Variants in RBFOX1 observed in about 807,000 individuals in gnomAD.
RBFOX1 encodes the protein RNA binding protein fox-1 homolog 1.
In RBFOX1, 8 loss-of-function variants were observed where a neutral mutation model predicts 57.7. The observed-to-expected ratio is 0.14, with a 90% CI of 0.08 to 0.25. The LOEUF (loss-of-function observed/expected upper bound fraction) is 0.25. RBFOX1 is among the 10% of genes least tolerant of loss of function. The pLI is 1.00. For synonymous variants in RBFOX1, 326 were observed against 222.4 expected (o/e 1.47, Z -4.15); for missense variants, 611 against 548.5 (o/e 1.11, Z -1.14).
intron 1 of RBFOX1, among the ~76,000 whole-genome samples, chr16:6,273,875 G>A (rs1432468939): frequency 6.6e-6 from 1 of 152,042 alleles, no homozygotes; most frequent in Non-Finnish European, 1.5e-5. Flanking sequence ...AAATCAAGCA[G>A]TGAGCAAAGG....
intron 4 of RBFOX1, among the ~76,000 whole-genome samples, chr16:7,197,909 G>T (rs1047904648): frequency 2.8e-4 from 42 of 151,828 alleles, no homozygotes; most frequent in African/African-American, 8.2e-4. Context: ...CAAGGGAGCA[G>T]GAATTGGGAG....
At chr16:5,801,243 C>T (rs901833004) in intron 3 of RBFOX1, among the ~76,000 whole-genome samples, 6 of 151,970 alleles carry the variant, frequency 3.9e-5, no homozygotes, top group Non-Finnish European at 7.4e-5. Flanking sequence ...TTAAAAAGTA[C>T]TGAAATAAAA....
At chr16:5,525,620 A>C (rs1158941018) in intron 2 of RBFOX1, among the ~76,000 whole-genome samples, 1 of 148,074 alleles carries the variant, frequency 6.8e-6, no homozygotes, top group Non-Finnish European at 1.5e-5. Flanking sequence ...GCCTCAGCCT[A>C]CTGAGTAGCT....
intron 3 of RBFOX1, among the ~76,000 whole-genome samples, chr16:5,857,032 C>A (rs548524058): frequency 6.6e-6 from 1 of 152,262 alleles, no homozygotes; most frequent in Admixed American, 6.5e-5. Flanking sequence ...ATGCTTTTCT[C>A]ACAAAGTTTA....
At chr16:6,297,913 G>C (rs2152736245) in intron 1 of RBFOX1, among the ~76,000 whole-genome samples, 1 of 152,228 alleles carries the variant, frequency 6.6e-6, no homozygotes, top group African/African-American at 2.4e-5. Flanking sequence ...ATCCAGATGA[G>C]AGCCACCTCC....
At position 7,595,502 on chromosome 16, in the gene RBFOX1, G is replaced by A. The variant is rs775266170; in HGVS notation, c.469-47G>A. On this transcript the variant is annotated intron_variant, in intron 7 of 15. Transcript: ENST00000550418. ...GAACATTACCAAGTGGTCGTTGACT[G>A]AAATAATAATCTGCATGTTGTTTTC... The A allele has an allele frequency of 3.5e-6, 5 of 1,433,036 alleles. No homozygotes were observed. The South Asian group carries it at 7.1e-5, about 20-fold the overall frequency. 88.8% of individuals were successfully genotyped at this position (1,433,036 alleles called of 1,614,324 possible).
At chr16:5,828,498 G>A (rs1211599090) in intron 3 of RBFOX1, among the ~76,000 whole-genome samples, 1 of 152,148 alleles carries the variant, frequency 6.6e-6, no homozygotes, top group Non-Finnish European at 1.5e-5. Flanking sequence ...AATAGATCAA[G>A]ACCATCCTGA....
chr16:5,682,696 A>G (rs9929433), intron 3 of RBFOX1, among the ~76,000 whole-genome samples: 8 of 152,090 alleles, frequency 5.3e-5, no homozygotes, highest in Non-Finnish European at 1.0e-4. Context: ...GTTTTATCCA[A>G]GGTTGTCCGA....
intron 1 of RBFOX1, among the ~76,000 whole-genome samples, chr16:6,308,004 C>T (rs561988964): frequency 6.7e-6 from 1 of 149,582 alleles, no homozygotes; most frequent in East Asian, 2.0e-4. Flanking sequence ...TTGTTATTTA[C>T]ATATTTTTAT....
chr16:5,925,497 T>G (rs553153117), intron 4 of RBFOX1, among the ~76,000 whole-genome samples: 33 of 152,222 alleles, frequency 2.2e-4, no homozygotes, highest in African/African-American at 7.9e-4. Context: ...GAACATAAAC[T>G]TGGACGTGAT....
intron 1 of RBFOX1, among the ~76,000 whole-genome samples, chr16:6,071,110 C>A (rs1185748025): frequency 6.6e-6 from 1 of 152,114 alleles, no homozygotes; most frequent in Non-Finnish European, 1.5e-5. Flanking sequence ...ATTGCCTGAG[C>A]ACAGGAGTTT....
chr16:6,375,385 A>G (rs1351672806), intron 2 of RBFOX1, among the ~76,000 whole-genome samples: 1 of 151,536 alleles, frequency 6.6e-6, no homozygotes, highest in African/African-American at 2.4e-5. Flanking sequence ...AGTCATGCAC[A>G]TGTAGAACTT....
intron 4 of RBFOX1, among the ~76,000 whole-genome samples, chr16:7,255,884 T>C (rs911045895): frequency 2.6e-5 from 4 of 152,208 alleles, no homozygotes; most frequent in East Asian, 1.9e-4. Context: ...AATAGCCACA[T>C]ATGGCTTTCC....
chr16:6,024,714 C>G (rs959097883), intron 1 of RBFOX1, among the ~76,000 whole-genome samples: 3 of 152,168 alleles, frequency 2.0e-5, no homozygotes, highest in African/African-American at 7.2e-5. Flanking sequence ...CGCCTGACCT[C>G]AAGTGATCCA....
At chr16:6,588,401 C>T (rs1442832234) in intron 2 of RBFOX1, among the ~76,000 whole-genome samples, 1 of 151,972 alleles carries the variant, frequency 6.6e-6, no homozygotes, top group Non-Finnish European at 1.5e-5. Context: ...GCCTGTAATC[C>T]CAGCAATTTG....
intron 4 of RBFOX1, among the ~76,000 whole-genome samples, chr16:7,120,751 C>T (rs747953609): frequency 1.4e-5 from 2 of 146,452 alleles, no homozygotes; most frequent in African/African-American, 5.0e-5. Flanking sequence ...GGAAGATATA[C>T]TTCTCAACTC....
At chr16:6,925,307 T>A (rs1421373072) in intron 3 of RBFOX1, among the ~76,000 whole-genome samples, 1 of 148,658 alleles carries the variant, frequency 6.7e-6, no homozygotes, top group African/African-American at 2.6e-5. Context: ...TTAACTTTTG[T>A]AGAGATAGGG....
At chr16:7,389,158 C>T (rs919953421) in intron 4 of RBFOX1, among the ~76,000 whole-genome samples, 4 of 152,120 alleles carry the variant, frequency 2.6e-5, no homozygotes, top group South Asian at 2.1e-4. Context: ...CAGAGTCTCA[C>T]TGTGTCACCC....
At chr16:6,312,350 C>T (rs545211456) in intron 1 of RBFOX1, among the ~76,000 whole-genome samples, 7 of 152,100 alleles carry the variant, frequency 4.6e-5, no homozygotes, top group Non-Finnish European at 8.8e-5. Context: ...CTCTTCCACT[C>T]TCTTCTTCTT....
Sources: gnomAD v4.1 joint callset for allele counts (sites outside exome capture counted in the v4.1 genomes callset) on GRCh38, gnomAD v4.1.1 for gene constraint, MANE v1.5 for transcripts, NCBI Gene and HGNC (gene_info 2026-07-23, HGNC 2026-07-21) for gene names.